The following GRXCR1 variants were observed in gnomAD, a reference collection of about 807,000 sequenced individuals.
The protein encoded by GRXCR1 is glutaredoxin domain-containing cysteine-rich protein 1.
A neutral mutation model predicts 27.3 loss-of-function variants in GRXCR1; 27 were observed. The observed-to-expected ratio is 0.99, with a 90% CI of 0.73 to 1.37. The LOEUF (loss-of-function observed/expected upper bound fraction) is 1.37, where lower values mean the gene tolerates loss of function less well. Among genes scored for constraint, GRXCR1 ranks in the 40% most tolerant of loss-of-function variants. GRXCR1 has a pLI of 0.00. For missense variants in GRXCR1, 379 were observed against 354.4 expected, an observed-to-expected ratio of 1.07 and a Z score of -0.56; for synonymous variants, 122 against 131.1, an observed-to-expected ratio of 0.93 and a Z score of 0.47.
At chr4:43,004,239 G>A (rs1466194187) in intron 2 of GRXCR1, among the ~76,000 whole-genome samples, 1 of 152,260 alleles carries the variant, frequency 6.6e-6, no homozygotes, top group Non-Finnish European at 1.5e-5. Flanking sequence ...CAAGAGATGA[G>A]AGTTAAGCTT....
intron 1 of GRXCR1, among the ~76,000 whole-genome samples, chr4:42,961,723 A>G (rs1377119458): frequency 6.6e-6 from 1 of 151,970 alleles, no homozygotes. Context: ...CTCTCTCCAT[A>G]AGGTGGAGAA....
intron 1 of GRXCR1, among the ~76,000 whole-genome samples, chr4:42,904,901 C>A (rs1746551454): frequency 6.6e-6 from 1 of 152,162 alleles, no homozygotes; most frequent in African/African-American, 2.4e-5. Context: ...AGAGGTGGGA[C>A]ATCTGACCCA....
At chr4:42,986,693 A>T (rs182235922) in intron 2 of GRXCR1, among the ~76,000 whole-genome samples, 20 of 152,310 alleles carry the variant, frequency 1.3e-4, no homozygotes, top group African/African-American at 4.8e-4. Context: ...TGAATAACTT[A>T]GGGGAACTCT....
intron 2 of GRXCR1, among the ~76,000 whole-genome samples, chr4:42,987,222 T>TATTATATATTTTATATA (rs369022273): frequency 7.0e-5 from 7 of 100,594 alleles, no homozygotes; most frequent in Admixed American, 5.1e-4. Flanking sequence ...TATATATATA[T>TATTATATATTTTATATA]TATATATTAT....
intron 1 of GRXCR1, among the ~76,000 whole-genome samples, chr4:42,896,888 C>A (rs569026142): frequency 4.9e-4 from 75 of 152,026 alleles, no homozygotes; most frequent in African/African-American, 1.8e-3. Context: ...TAAAGGTTAT[C>A]CCAACAGCCA....
At chr4:42,959,727 A>C (rs1455231663) in intron 1 of GRXCR1, among the ~76,000 whole-genome samples, 1 of 151,968 alleles carries the variant, frequency 6.6e-6, no homozygotes, top group Non-Finnish European at 1.5e-5. Flanking sequence ...CTGAGTCAGT[A>C]GATCTGGGGC....
intron 2 of GRXCR1, among the ~76,000 whole-genome samples, chr4:42,967,483 A>G (rs1322536242): frequency 6.6e-6 from 1 of 151,800 alleles, no homozygotes; most frequent in African/African-American, 2.4e-5. Flanking sequence ...ATCTCACTTA[A>G]TATGCTCAAT....
chr4:43,017,290 C>T (rs1712959524), intron 2 of GRXCR1, among the ~76,000 whole-genome samples: 2 of 152,048 alleles, frequency 1.3e-5, no homozygotes, highest in African/African-American at 2.4e-5. Flanking sequence ...GTTCTCTGTA[C>T]CATTTTTCAA....
chr4:42,909,889 G>C (rs182827453), intron 1 of GRXCR1, among the ~76,000 whole-genome samples: 2 of 152,116 alleles, frequency 1.3e-5, no homozygotes, highest in Non-Finnish European at 2.9e-5. Context: ...GTAGGAGGGA[G>C]GGATGAAGGC....
intron 1 of GRXCR1, among the ~76,000 whole-genome samples, chr4:42,959,427 G>C (rs1748080686): frequency 6.6e-6 from 1 of 151,702 alleles, no homozygotes; most frequent in Non-Finnish European, 1.5e-5. Flanking sequence ...GTTAGTGGTG[G>C]GGGATGGAAG....
chr4:42,984,744 C>G (rs1451201892), intron 2 of GRXCR1, among the ~76,000 whole-genome samples: 2 of 152,204 alleles, frequency 1.3e-5, no homozygotes, highest in East Asian at 3.9e-4. Flanking sequence ...AAACTCAGAA[C>G]TGCTGAGGCC....
intron 1 of GRXCR1, among the ~76,000 whole-genome samples, chr4:42,914,365 A>G (rs777052125): frequency 6.6e-6 from 1 of 152,244 alleles, no homozygotes; most frequent in African/African-American, 2.4e-5. Context: ...TGAGACATGG[A>G]GTCAAAGAAG....
At chr4:42,983,519 G>C (rs1428393016) in intron 2 of GRXCR1, among the ~76,000 whole-genome samples, 1 of 151,400 alleles carries the variant, frequency 6.6e-6, no homozygotes, top group Non-Finnish European at 1.5e-5. Flanking sequence ...TTTTGGCTTA[G>C]GATTGACTTG....
intron 1 of GRXCR1, among the ~76,000 whole-genome samples, chr4:42,931,901 G>A (rs535767737): frequency 3.6e-4 from 54 of 152,012 alleles, no homozygotes; most frequent in African/African-American, 9.4e-4. Context: ...ACATGGCTGC[G>A]GAGGCCTCAC....
chr4:43,000,992 T>A (rs564191304), intron 2 of GRXCR1, among the ~76,000 whole-genome samples: 1 of 152,198 alleles, frequency 6.6e-6, no homozygotes, highest in South Asian at 2.1e-4. Context: ...AGTGGTGCTA[T>A]CTCGGCTCAC....
intron 1 of GRXCR1, among the ~76,000 whole-genome samples, chr4:42,915,293 T>C (rs1447960132): frequency 2.0e-5 from 3 of 152,164 alleles, no homozygotes; most frequent in African/African-American, 7.2e-5. Context: ...CATGAAAATC[T>C]GAAGTGGTAT....
chr4:42,915,735 G>A (rs1014174788), intron 1 of GRXCR1, among the ~76,000 whole-genome samples: 2 of 152,062 alleles, frequency 1.3e-5, no homozygotes, highest in Middle Eastern at 3.2e-3. Flanking sequence ...CCCATTTCAA[G>A]CAGTGATTCT....
chr4:42,944,693 A>G (rs926976314), intron 1 of GRXCR1, among the ~76,000 whole-genome samples: 3 of 152,114 alleles, frequency 2.0e-5, no homozygotes, highest in Non-Finnish European at 4.4e-5. Context: ...TACTGTGTGT[A>G]CCAGAAGTCA....
At chr4:42,979,900 A>G (rs954211267) in intron 2 of GRXCR1, among the ~76,000 whole-genome samples, 14 of 151,916 alleles carry the variant, frequency 9.2e-5, no homozygotes, top group Non-Finnish European at 1.9e-4. Flanking sequence ...TGCAAGTTGT[A>G]TATGTCCAGG....
Sources: allele counts gnomAD v4.1 joint callset (sites outside exome capture counted in the v4.1 genomes callset), GRCh38; gene constraint gnomAD v4.1.1; transcripts MANE v1.5; gene names NCBI Gene and HGNC (gene_info 2026-07-23, HGNC 2026-07-21).